MTUS2: variants seen among roughly 807,000 people sequenced by gnomAD.
MTUS2 encodes the protein microtubule-associated tumor suppressor candidate 2.
Under a neutral mutation model 114.1 loss-of-function variants are expected in MTUS2, and 40 were observed. That is an observed-to-expected ratio of 0.35 (90% CI 0.27 to 0.46). The LOEUF (loss-of-function observed/expected upper bound fraction) is 0.46. MTUS2 is among the 20% of genes least tolerant of loss of function. The probability of loss-of-function intolerance (pLI) is 1.00; values close to 1 mark genes in which losing one functional copy is unlikely to be tolerated. For synonymous variants in MTUS2, 688 were observed against 672.0 expected, an observed-to-expected ratio of 1.02 and a Z score of -0.37; for missense variants, 1,679 against 1,705.4, an observed-to-expected ratio of 0.98 and a Z score of 0.27.
chr13:28,841,798 T>C (rs1425162286), intron 2 of MTUS2, among the ~76,000 whole-genome samples: 1 of 152,058 alleles, frequency 6.6e-6, no homozygotes, highest in Non-Finnish European at 1.5e-5. Context: ...GCGATTCTCC[T>C]GTCTCAGCCT....
rs577684821 is a variant in MTUS2, at chr13:29,013,849, T to G, written c.-242-10608T>G. On this transcript the variant is annotated intron_variant, in intron 2 of 15. Coordinates refer to ENST00000612955, the MANE Select transcript of MTUS2 (RefSeq NM_001033602.4). The stretch of plus-strand genomic sequence containing the variant: ...CGCAAAGATCTCATTTCCCCACCCC[T>G]TCAATTGGAATTTCTGTCTTTTTCT... 2.0e-5 allele frequency among the ~76,000 whole-genome samples: 3 copies of G among 152,334 alleles called. No individual in the cohort carries two copies. In the South Asian group the frequency reaches 6.2e-4, roughly 32 times the overall value.
At chr13:29,064,475 G>T (rs1888570927) in intron 4 of MTUS2, among the ~76,000 whole-genome samples, 1 of 5,346 alleles carries the variant, frequency 1.9e-4, no homozygotes, top group Non-Finnish European at 1.5e-3. Context: ...ATATTTTGAA[G>T]AGACAGTTCT....
At chr13:28,866,477 G>A (rs984138341) in intron 2 of MTUS2, among the ~76,000 whole-genome samples, 11 of 152,024 alleles carry the variant, frequency 7.2e-5, no homozygotes, top group Non-Finnish European at 1.2e-4. Context: ...TATTATTGGT[G>A]CTTATGGCAT....
intron 4 of MTUS2, among the ~76,000 whole-genome samples, chr13:29,063,001 TG>T (rs1484780919): frequency 3.3e-5 from 5 of 152,226 alleles, no homozygotes; most frequent in African/African-American, 1.2e-4. Flanking sequence ...TCGTCAGGTC[TG>T]GGTATGAAAC....
intron 7 of MTUS2, among the ~76,000 whole-genome samples, chr13:29,358,723 C>G (rs1246494801): frequency 6.6e-6 from 1 of 152,118 alleles, no homozygotes. Context: ...TACATTGGTG[C>G]TATAGGAATT....
At chr13:29,213,723 T>G (rs1895552755) in intron 5 of MTUS2, among the ~76,000 whole-genome samples, 1 of 152,218 alleles carries the variant, frequency 6.6e-6, no homozygotes, top group Non-Finnish European at 1.5e-5. Flanking sequence ...CTATTGATTT[T>G]TAAGTAGGCT....
intron 5 of MTUS2, among the ~76,000 whole-genome samples, chr13:29,233,929 A>G (rs1385465048): frequency 6.6e-6 from 1 of 152,210 alleles, no homozygotes; most frequent in Non-Finnish European, 1.5e-5. Context: ...AAAGGGAAGT[A>G]ACAGACAATT....
In MTUS2 at chr13:29,149,702, T is replaced by C. The variant is rs375644036; in HGVS notation, c.2644+48732T>C. Reference sequence around the variant, plus strand: ...ATCTTGAATTTATTTTTGTATATAGTGTAAAGAAGGGGCCTGGTTTCAATA... The same window carrying C: ...ATCTTGAATTTATTTTTGTATATAGCGTAAAGAAGGGGCCTGGTTTCAATA... On this transcript the variant is annotated intron_variant, in intron 5 of 15. Transcript: ENST00000612955. Among the ~76,000 whole-genome samples, 5 of 152,320 alleles carry C rather than the reference T, an allele frequency of 3.3e-5. 1 individual carries two copies. In the East Asian group the frequency reaches 9.6e-4, roughly 29 times the overall value.
chr13:29,326,988 A>G (rs35034303), intron 7 of MTUS2, among the ~76,000 whole-genome samples: 28,636 of 152,030 alleles, frequency 0.19, 2,774 homozygotes, highest in Middle Eastern at 0.22. Context: ...TCAAAAAAGA[A>G]ATAAAATAAA....
chr13:29,353,191 T>C (rs1287898981), intron 7 of MTUS2, among the ~76,000 whole-genome samples: 1 of 152,206 alleles, frequency 6.6e-6, no homozygotes, highest in Non-Finnish European at 1.5e-5. Context: ...AGTATTTTTT[T>C]TAGACAGCAT....
intron 4 of MTUS2, among the ~76,000 whole-genome samples, chr13:29,049,133 C>A (rs1398188377): frequency 6.6e-6 from 1 of 152,180 alleles, no homozygotes; most frequent in African/African-American, 2.4e-5. Context: ...GCTGAAAAAG[C>A]AAATGGCAGA....
chr13:29,501,052 T>C, intron 14 of MTUS2, 45 bp from the exon 15 acceptor site: 1 of 1,550,488 alleles, frequency 6.4e-7, no homozygotes, highest in Non-Finnish European at 8.9e-7. Flanking sequence ...TTACTCCCGA[T>C]TTTATGGCCT....
chr13:29,173,565 C>T (rs919409339), intron 5 of MTUS2, among the ~76,000 whole-genome samples: 2 of 152,078 alleles, frequency 1.3e-5, no homozygotes, highest in Non-Finnish European at 2.9e-5. Context: ...TCAAGATATT[C>T]GTACCTTTAG....
chr13:28,926,287 A>G (rs560763862), intron 2 of MTUS2, among the ~76,000 whole-genome samples: 2 of 152,242 alleles, frequency 1.3e-5, no homozygotes, highest in African/African-American at 4.8e-5. Flanking sequence ...TGAGTAATAA[A>G]AAATCAATTA....
At chr13:29,164,139 C>T (rs1481436489) in intron 5 of MTUS2, among the ~76,000 whole-genome samples, 2 of 152,164 alleles carry the variant, frequency 1.3e-5, no homozygotes, top group Non-Finnish European at 2.9e-5. Context: ...CCTACCCAAA[C>T]CTGCTTATGG....
chr13:29,067,180 A>G (rs141506297), intron 4 of MTUS2, among the ~76,000 whole-genome samples: 168 of 152,294 alleles, frequency 1.1e-3, no homozygotes, highest in African/African-American at 3.9e-3. Flanking sequence ...CAAAGATACA[A>G]TGTGGTGTCA....
chr13:28,886,688 G>A (rs1364321514), intron 2 of MTUS2, among the ~76,000 whole-genome samples: 5 of 152,172 alleles, frequency 3.3e-5, no homozygotes, highest in South Asian at 2.1e-4. Context: ...GCAGACAGAA[G>A]TGTAAAATAC....
At chr13:29,106,844 G>A (rs1890690651) in intron 5 of MTUS2, among the ~76,000 whole-genome samples, 2 of 151,904 alleles carry the variant, frequency 1.3e-5, no homozygotes, top group African/African-American at 4.8e-5. Context: ...TTGCTGCATG[G>A]TGCCCCTATG....
In MTUS2 at chr13:29,026,758, G is replaced by C; in HGVS notation, c.2060G>C (p.Gly687Ala). ...CCCCACGAAGAGAAGGCAGCAGGTG[G>C]TGACCTGAAGCCATCTGCCAACCTC... ...PLPHEEKAAG[G>A]DLKPSANLYE... is the part of the protein sequence containing the mutation. The change falls in exon 3 of 16, where the codon GGT becomes GCT. Residue 687 changes from glycine to alanine, a missense_variant. This residue lies in a region of MTUS2 where 822 missense variants were observed against 899.7 expected (regional missense o/e 0.91). Coordinates refer to ENST00000612955, the MANE Select transcript of MTUS2 (RefSeq NM_001033602.4). 6.2e-7 allele frequency: 1 copy of C among 1,613,930 alleles called. No homozygotes were observed. The highest frequency in any genetic ancestry group is 1.6e-4 in the Middle Eastern group (1 of 6,062).
Sources: allele counts gnomAD v4.1 joint callset (sites outside exome capture counted in the v4.1 genomes callset), GRCh38; gene constraint gnomAD v4.1.1; regional missense constraint gnomAD v4.1.1; transcripts MANE v1.5; gene names NCBI Gene and HGNC (gene_info 2026-07-23, HGNC 2026-07-21).